The following TRPV4 variants were observed in gnomAD, a reference collection of about 807,000 sequenced individuals.
TRPV4 encodes transient receptor potential cation channel subfamily V member 4, also known as OSM9-like transient receptor potential channel 4.
Under a neutral mutation model 84.1 loss-of-function variants are expected in TRPV4, and 58 were observed. That is an observed-to-expected ratio of 0.69 (90% confidence interval 0.56 to 0.86). The LOEUF (loss-of-function observed/expected upper bound fraction) is 0.86. Ranked by LOEUF, TRPV4 falls within the 40% of genes least tolerant of loss-of-function variation. The probability of loss-of-function intolerance (pLI) is 0.00; values close to 1 mark genes in which losing one functional copy is unlikely to be tolerated. For synonymous variants in TRPV4, 489 were observed against 500.9 expected, an observed-to-expected ratio of 0.98 and a Z score of 0.32; for missense variants, 879 against 1,181.1, an observed-to-expected ratio of 0.74 and a Z score of 3.75.
intron 1 of TRPV4, among the ~76,000 whole-genome samples, chr12:109,827,075 A>G (rs1207040264): frequency 2.0e-5 from 3 of 152,218 alleles, no homozygotes; most frequent in African/African-American, 7.2e-5. Flanking sequence ...AGACGGGCTT[A>G]GTCATTCTCT....
At chr12:109,816,806 GCCT>G (rs2136676579) in intron 1 of TRPV4, among the ~76,000 whole-genome samples, 1 of 152,194 alleles carries the variant, frequency 6.6e-6, no homozygotes, top group South Asian at 2.1e-4. Flanking sequence ...AAGTTGCTTA[GCCT>G]CTCTGAGCCT....
At position 109,793,929 on chromosome 12, in the gene TRPV4, C is replaced by T. The variant is rs775922797; in HGVS notation, c.1584+1G>A. ...GGGGGGCACGGGGGCCAGGCACTTA[C>T]GTTGGTGAAGAAGAACAGGACCCCA... On this transcript the variant is annotated splice_donor_variant, in intron 9 of 15. Coordinates refer to ENST00000261740, the MANE Select transcript of TRPV4 (RefSeq NM_021625.5). LOFTEE classifies it high-confidence loss of function. The surrounding 1 kb of genome is among the most constrained non-coding windows in gnomAD (Gnocchi z 4.0). 3.4e-5 allele frequency: 54 copies of T among 1,606,634 alleles called. No individual in the cohort carries two copies. In the Admixed American group the frequency reaches 6.9e-4, roughly 21 times the overall value.
At chr12:109,784,525 T>C (rs1485502091) in intron 14 of TRPV4, 88 bp from the exon 15 acceptor site, 2 of 1,600,248 alleles carry the variant, frequency 1.2e-6, no homozygotes, top group Non-Finnish European at 1.7e-6. Flanking sequence ...TATTTTTTTA[T>C]TATGGTAACA....
At chr12:109,787,922 C>T (rs1020550598) in intron 13 of TRPV4, among the ~76,000 whole-genome samples, 3 of 152,302 alleles carry the variant, frequency 2.0e-5, no homozygotes, top group African/African-American at 4.8e-5. Context: ...TGCAGCTCCC[C>T]GGGCCAAGGC....
At chr12:109,807,183 G>A (rs1168241882) in intron 3 of TRPV4, among the ~76,000 whole-genome samples, 1 of 151,512 alleles carries the variant, frequency 6.6e-6, no homozygotes, top group Non-Finnish European at 1.5e-5. Flanking sequence ...GGCTGAGGCA[G>A]GAGAATCACT....
chr12:109,802,888 A>C, intron 4 of TRPV4, 103 bp downstream of exon 4: 2 of 1,233,156 alleles, frequency 1.6e-6, no homozygotes, highest in South Asian at 2.5e-5. Flanking sequence ...TCCTGGGTAC[A>C]TGCTGGCACT....
At chr12:109,817,433 G>C (rs933399457) in intron 1 of TRPV4, among the ~76,000 whole-genome samples, 1 of 152,098 alleles carries the variant, frequency 6.6e-6, no homozygotes, top group Admixed American at 6.6e-5. Flanking sequence ...CAGCCAAGAA[G>C]GTCCTTCCAT....
rs954966651 is a variant in TRPV4, at chr12:109,788,649, T to C, written c.1959A>G (p.Thr653=). The change falls in exon 13 of 16, where the codon ACA becomes ACG. Residue 653 remains threonine (T), a synonymous_variant. Coordinates refer to ENST00000261740, the MANE Select transcript of TRPV4 (RefSeq NM_021625.5). ...CACGGCACGAGGGGTAAGTGGGCAC[T>C]GTGCAGTTGGTCTGGTCCTCATTGC... is the stretch of plus-strand genomic sequence containing the variant. ...KVCNEDQTNC[T]VPTYPSCRDS... 1 of 1,614,220 alleles carries C rather than the reference T, an allele frequency of 6.2e-7. No homozygotes were observed. The highest frequency in any genetic ancestry group is 2.2e-5 in the East Asian group (1 of 44,878).
intron 1 of TRPV4, chr12:109,832,201 G>C (rs1394992623): frequency 1.3e-5 from 2 of 152,458 alleles, no homozygotes; most frequent in Non-Finnish European, 2.9e-5. Context: ...CACACCCCGG[G>C]CCCCACACAG....
rs1890188972 is a variant in TRPV4 at position 109,793,752 on chromosome 12, A to T, written c.1585-152T>A. ...CTTTCCTGTTAGAAAAGGAGAAAAA[A>T]GCAGAGATGGAGAACGTGGGATTGG... On this transcript the variant is annotated intron_variant, in intron 9 of 15. Transcript: ENST00000261740. This position sits in a 1 kb window ranked among gnomAD's most constrained non-coding sequence, Gnocchi z 4.0. The T allele has an allele frequency of 1.1e-6, 1 of 874,542 alleles. No homozygotes were observed. The highest frequency in any genetic ancestry group is 1.9e-6 in the Non-Finnish European group (1 of 537,190). The allele number at this position is 874,542 out of a possible 1,614,324, so 54.2% of individuals were successfully genotyped here. A position where few individuals can be genotyped will look rare whatever the true frequency, so the allele number is the denominator to read the frequency against.
rs945641290 is a variant in TRPV4 at position 109,794,359 on chromosome 12, G to A, written c.1461C>T (p.Leu487=). The part of the protein sequence containing the change: ...SYLCAMVIFT[L]TAYYQPLEGT... ...CCTCCAGCGGCTGGTAGTAGGCGGT[G>A]AGAGTGAAGATGACCATGGCACACA... Residue 487 remains leucine, a synonymous_variant, in exon 8 of 16, where the codon CTC becomes CTT. Coordinates refer to ENST00000261740, the MANE Select transcript of TRPV4 (RefSeq NM_021625.5). 6.2e-7 allele frequency: 1 copy of A among 1,613,146 alleles called. No individual in the cohort carries two copies. The highest frequency in any genetic ancestry group is 8.5e-7 in the Non-Finnish European group (1 of 1,180,020).
At position 109,820,513 on chromosome 12, in the gene TRPV4, C is replaced by CTTTTTTTTTTT. The variant is rs1245573219; in HGVS notation, c.-31-5687_-31-5686insAAAAAAAAAAA. On this transcript the variant is annotated intron_variant, in intron 1 of 15. Transcript: ENST00000261740. Reference sequence around the variant, plus strand: ...TCTGATCTTCACTTTCTTCAGCTGCCCTATTTTTTTTTTTTTTTTTTTTTT... The same window carrying CTTTTTTTTTTT: ...TCTGATCTTCACTTTCTTCAGCTGCCTTTTTTTTTTTCTATTTTTTTTTTTTTTTTTTTTTT... Among the ~76,000 whole-genome samples the CTTTTTTTTTTT allele has an allele frequency of 1.2e-3, 123 of 106,760 alleles. 6 individuals are homozygous for CTTTTTTTTTTT. Among genetic ancestry groups the CTTTTTTTTTTT allele is most frequent in the Non-Finnish European group, 1.7e-3 (82 of 49,172 alleles). The allele number at this position is 106,760 out of a possible 152,430, so 70.0% of individuals were successfully genotyped here.
intron 3 of TRPV4, among the ~76,000 whole-genome samples, chr12:109,805,384 C>A (rs1422836096): frequency 6.6e-6 from 1 of 152,196 alleles, no homozygotes; most frequent in Non-Finnish European, 1.5e-5. Flanking sequence ...GAGGGGACGC[C>A]TGGGTCCTGG....
intron 8 of TRPV4, 30 bp from the exon 9 acceptor site, chr12:109,794,052 C>T (rs1890222204): frequency 6.4e-7 from 1 of 1,557,930 alleles, no homozygotes. Flanking sequence ...CACAGGTCGT[C>T]ACCCAGCCCC....
chr12:109,787,283 G>GT (rs1186150121), intron 13 of TRPV4, among the ~76,000 whole-genome samples: 5 of 152,160 alleles, frequency 3.3e-5, no homozygotes, highest in African/African-American at 7.2e-5. Flanking sequence ...AAATTTTGCA[G>GT]TTTTTTGTTG....
chr12:109,794,124 GC>G, intron 8 of TRPV4, 102 bp from the exon 9 acceptor site: 1 of 1,168,986 alleles, frequency 8.6e-7, no homozygotes, highest in South Asian at 1.3e-5. Flanking sequence ...ATCCCATGGA[GC>G]CTCCTCCTTC....
At chr12:109,792,258 AAAAAAAAG>A in intron 12 of TRPV4, 97 bp downstream of exon 12, 1 of 885,522 alleles carries the variant, frequency 1.1e-6, no homozygotes, top group South Asian at 1.6e-5. Flanking sequence ...AAAAAAAAAA[AAAAAAAAG>A]AACTCAGCAA....
At chr12:109,816,376 G>A (rs1177091323) in intron 1 of TRPV4, among the ~76,000 whole-genome samples, 1 of 152,172 alleles carries the variant, frequency 6.6e-6, no homozygotes, top group African/African-American at 2.4e-5. Flanking sequence ...AGCTCCCCAA[G>A]CCTCAGTTTC....
At chr12:109,812,841 G>A (rs1160580525) in intron 2 of TRPV4, among the ~76,000 whole-genome samples, 1 of 152,208 alleles carries the variant, frequency 6.6e-6, no homozygotes, top group Non-Finnish European at 1.5e-5. Context: ...TTATATGGGT[G>A]TATGGCTGGA....
Sources: gnomAD v4.1 joint callset for allele counts (sites outside exome capture counted in the v4.1 genomes callset) on GRCh38, gnomAD v4.1.1 for gene constraint, Gnocchi (gnomAD v3.1) non-coding constraint, MANE v1.5 for transcripts, NCBI Gene and HGNC (gene_info 2026-07-23, HGNC 2026-07-21) for gene names.